AK8: variants seen among roughly 807,000 people sequenced by gnomAD.
AK8 encodes the protein ATP-AMP transphosphorylase 8.
A neutral mutation model predicts 54.6 loss-of-function variants in AK8; 44 were observed. The observed-to-expected ratio is 0.81, with a 90% CI of 0.63 to 1.04. AK8 has a LOEUF of 1.04. AK8 is among the 50% of genes least tolerant of loss of function. The pLI is 0.00. For synonymous variants in AK8, 239 were observed against 245.6 expected, an observed-to-expected ratio of 0.97 and a Z score of 0.25; for missense variants, 555 against 613.6, an observed-to-expected ratio of 0.90 and a Z score of 1.01.
At chr9:132,733,210 A>G (rs1003277303) in intron 11 of AK8, among the ~76,000 whole-genome samples, 2 of 151,996 alleles carry the variant, frequency 1.3e-5, no homozygotes, top group African/African-American at 4.8e-5. Context: ...GTGCTGCAAA[A>G]TAACAGCCAC....
intron 10 of AK8, among the ~76,000 whole-genome samples, chr9:132,794,000 C>A (rs1028570309): frequency 2.0e-5 from 3 of 152,146 alleles, no homozygotes; most frequent in Admixed American, 1.3e-4. Flanking sequence ...GCCAGGTGAA[C>A]GTGGAAGCAA....
intron 5 of AK8, among the ~76,000 whole-genome samples, chr9:132,847,854 G>A (rs1216647495): frequency 1.3e-5 from 2 of 151,848 alleles, no homozygotes; most frequent in South Asian, 2.1e-4. Flanking sequence ...GGTGGTGCGC[G>A]CCTGTGATCC....
Position 132,798,066 on chromosome 9 carries a change from G to A in AK8, c.980-5291C>T, listed in dbSNP as rs185822434. 2.9e-4 allele frequency among the ~76,000 whole-genome samples: 44 copies of A among 152,318 alleles called. 2 individuals carry two copies. Among genetic ancestry groups the A allele is most frequent in the Admixed American group, 2.2e-3 (34 of 15,306 alleles). On this transcript the variant is annotated intron_variant, in intron 10 of 12. Transcript: ENST00000298545. ...GGAACTGCACTGGTCCTCTCCCAGC[G>A]CACAGGGATCCTGGATCCTGGTAGG...
rs1471694525 is a variant in AK8 at position 132,773,445 on chromosome 9, T to C, written c.1121+19189A>G. On this transcript the variant is annotated intron_variant, in intron 11 of 12. Transcript: ENST00000298545. ...CCCCTTTATCCTGTTTTATTCTCCA[T>C]AGCACACAACATATTATGCATCTGG... Among the ~76,000 whole-genome samples, 3 of 152,182 alleles carry C rather than the reference T, an allele frequency of 2.0e-5. No homozygotes were observed. The East Asian group carries it at 5.8e-4, about 29-fold the overall frequency.
intron 11 of AK8, among the ~76,000 whole-genome samples, chr9:132,739,651 T>A (rs550462214): frequency 3.9e-4 from 60 of 152,080 alleles, no homozygotes; most frequent in African/African-American, 1.3e-3. Flanking sequence ...CCCAGCTACT[T>A]GGGAGGCTGA....
intron 11 of AK8, among the ~76,000 whole-genome samples, chr9:132,733,853 G>A (rs1035679964): frequency 2.6e-5 from 4 of 152,190 alleles, no homozygotes; most frequent in Non-Finnish European, 5.9e-5. Flanking sequence ...TGAGGGTAGT[G>A]GGTGCCTGGA....
At chr9:132,745,727 C>T in intron 11 of AK8, among the ~76,000 whole-genome samples, 1 of 152,048 alleles carries the variant, frequency 6.6e-6, no homozygotes, top group East Asian at 1.9e-4. Flanking sequence ...GCCCAATGTC[C>T]CCAGTGCAAG....
At chr9:132,839,072 T>C (rs1202081628) in intron 5 of AK8, among the ~76,000 whole-genome samples, 1 of 151,930 alleles carries the variant, frequency 6.6e-6, no homozygotes, top group Non-Finnish European at 1.5e-5. Flanking sequence ...GCCTCCTAAG[T>C]AGTTAGGATT....
rs1382177880 is a variant in AK8, at chr9:132,803,877, C to T, written c.979+10761G>A. ...CTGTAATCCCAGCACTTTGGGAGGC[C>T]GAGGCTGGCGGATCACGAGGTCAAG... On this transcript the variant is annotated intron_variant, in intron 10 of 12. Coordinates refer to ENST00000298545, the MANE Select transcript of AK8 (RefSeq NM_152572.3). This position sits in a 1 kb window ranked among gnomAD's most constrained non-coding sequence, Gnocchi z 4.4. Among the ~76,000 whole-genome samples, 1 of 151,926 alleles carries T rather than the reference C, an allele frequency of 6.6e-6. No homozygotes were observed. Among genetic ancestry groups the T allele is most frequent in the Non-Finnish European group, 1.5e-5 (1 of 67,984 alleles).
Position 132,770,503 on chromosome 9 carries a change from C to A in AK8, c.1121+22131G>T, listed in dbSNP as rs761448598. On this transcript the variant is annotated intron_variant, in intron 11 of 12. Transcript: ENST00000298545. This position sits in a 1 kb window ranked among gnomAD's most constrained non-coding sequence, Gnocchi z 4.3. ...ACCCTGTGGAGGAGCGGGCTGGGAG[C>A]GCGGGGGATGCCCCTCGCCCTGCAC... Among the ~76,000 whole-genome samples the A allele has an allele frequency of 6.6e-6, 1 of 152,108 alleles. No individual in the cohort carries two copies. Among genetic ancestry groups the A allele is most frequent in the African/African-American group, 2.4e-5 (1 of 41,434 alleles).
At chr9:132,815,768 G>A (rs1841300311) in intron 9 of AK8, among the ~76,000 whole-genome samples, 1 of 152,218 alleles carries the variant, frequency 6.6e-6, no homozygotes, top group Non-Finnish European at 1.5e-5. Flanking sequence ...GGCTGTGAAA[G>A]TCCTTCCTAG....
intron 11 of AK8, among the ~76,000 whole-genome samples, chr9:132,749,194 C>G (rs115352287): frequency 6.6e-6 from 1 of 151,890 alleles, no homozygotes; most frequent in African/African-American, 2.4e-5. Context: ...ATGTTTTTCA[C>G]GAACTAAGCA....
At chr9:132,823,392 G>T (rs1360858742) in intron 8 of AK8, 56 bp from the exon 9 acceptor site, 1 of 1,606,300 alleles carries the variant, frequency 6.2e-7, no homozygotes, top group Non-Finnish European at 8.5e-7. Flanking sequence ...CAGGAAACCC[G>T]CTTGCAGCCC....
chr9:132,827,116 G>T, intron 7 of AK8, 62 bp from the exon 8 acceptor site: 1 of 1,557,940 alleles, frequency 6.4e-7, no homozygotes, highest in Non-Finnish European at 8.8e-7. Flanking sequence ...GCGCTGCTGT[G>T]CCTGGCTGGG....
chr9:132,761,244 T>C (rs1838447293), intron 11 of AK8, among the ~76,000 whole-genome samples: 2 of 150,824 alleles, frequency 1.3e-5, no homozygotes, highest in African/African-American at 2.5e-5. Flanking sequence ...GGATTTTCTA[T>C]TTCTTTTTTC....
intron 5 of AK8, among the ~76,000 whole-genome samples, chr9:132,847,852 G>A (rs946755937): frequency 6.6e-6 from 1 of 151,928 alleles, no homozygotes; most frequent in Non-Finnish European, 1.5e-5. Flanking sequence ...ATGGTGGTGC[G>A]CGCCTGTGAT....
In AK8 at chr9:132,797,200, C is replaced by T. The variant is rs774605904; in HGVS notation, c.980-4425G>A. ...CCTGCATTCCCACCCCAATGCCCAC[C>T]CCATGAAAGCAGGGATCCCCCCAGT... On this transcript the variant is annotated intron_variant, in intron 10 of 12. Transcript: ENST00000298545. Among the ~76,000 whole-genome samples the T allele has an allele frequency of 4.3e-4, 66 of 152,036 alleles. 1 individual carries two copies. The highest frequency in any genetic ancestry group is 1.9e-4 in the Non-Finnish European group (13 of 68,006).
At chr9:132,865,436 A>C (rs1352133734) in intron 3 of AK8, among the ~76,000 whole-genome samples, 1 of 152,220 alleles carries the variant, frequency 6.6e-6, no homozygotes, top group Non-Finnish European at 1.5e-5. Flanking sequence ...TCACAGAGGA[A>C]GGGTTCGCTG....
intron 11 of AK8, among the ~76,000 whole-genome samples, chr9:132,740,583 C>T (rs1040212612): frequency 6.6e-6 from 1 of 152,142 alleles, no homozygotes; most frequent in Non-Finnish European, 1.5e-5. Context: ...AAGTAAGGTT[C>T]CCGACTACGC....
Sources: allele counts gnomAD v4.1 joint callset (sites outside exome capture counted in the v4.1 genomes callset), GRCh38; gene constraint gnomAD v4.1.1; non-coding constraint Gnocchi (gnomAD v3.1); transcripts MANE v1.5; gene names NCBI Gene and HGNC (gene_info 2026-07-23, HGNC 2026-07-21).